The following ZFHX3 variants were observed in gnomAD, a reference collection of about 807,000 sequenced individuals.
ZFHX3 encodes zinc finger homeobox 3, also known as zinc finger homeobox protein 3.
ZFHX3 carries 42 observed loss-of-function variants against 279.1 expected under a neutral mutation model. That is an observed-to-expected ratio of 0.15 (90% confidence interval 0.12 to 0.19). The LOEUF is 0.19. Among genes scored for constraint, ZFHX3 ranks in the 10% least tolerant of loss-of-function variants. ZFHX3 has a pLI of 1.00. For synonymous variants in ZFHX3, 2,293 were observed against 1,957.8 expected (o/e 1.17, Z -4.52); for missense variants, 4,981 against 4,754.0 (o/e 1.05, Z -1.40).
At chr16:73,148,212 C>T (rs992040161) in intron 5 of ZFHX3, among the ~76,000 whole-genome samples, 1 of 152,226 alleles carries the variant, frequency 6.6e-6, no homozygotes, top group Non-Finnish European at 1.5e-5. Context: ...TGAAGCCTAA[C>T]ATATTTACCA....
intron 3 of ZFHX3, among the ~76,000 whole-genome samples, chr16:73,328,032 C>G (rs1403958938): frequency 1.3e-5 from 2 of 152,140 alleles, no homozygotes; most frequent in Non-Finnish European, 2.9e-5. Flanking sequence ...AATACTGAAC[C>G]TATTTGACCA....
At chr16:72,790,138 T>C (rs1417609417) in intron 9 of ZFHX3, 1 of 152,284 alleles carries the variant, frequency 6.6e-6, no homozygotes, top group Admixed American at 6.5e-5. Flanking sequence ...TCCAAGGTAA[T>C]GCAAGAGGGT....
intron 1 of ZFHX3, among the ~76,000 whole-genome samples, chr16:73,859,709 G>C (rs1053383238): frequency 6.6e-6 from 1 of 152,088 alleles, no homozygotes; most frequent in African/African-American, 2.4e-5. Flanking sequence ...AAGGAGAAAC[G>C]TTCTCTTTTA....
chr16:72,943,850 C>T (rs1960533604), intron 3 of ZFHX3, among the ~76,000 whole-genome samples: 1 of 152,156 alleles, frequency 6.6e-6, no homozygotes, highest in Non-Finnish European at 1.5e-5. Flanking sequence ...TATCCAAACC[C>T]TGCACATAAC....
In ZFHX3 at chr16:73,154,784, G is replaced by T. The variant is rs9937786; in HGVS notation, c.-1103-10953C>A. ...TACTACTAAAGATGGGTGAAGAAAG[G>T]AGGAGATGTTTGTGGTGAAGGCCAT... On this transcript the variant is annotated intron_variant, in intron 5 of 17. Transcript: ENST00000641206. Among the ~76,000 whole-genome samples the T allele has an allele frequency of 4.0e-3, 616 of 152,174 alleles. 6 individuals carry two copies. The highest frequency in any genetic ancestry group is 0.014 in the African/African-American group (590 of 41,464).
At chr16:73,485,531 T>C (rs2018958940) in intron 2 of ZFHX3, among the ~76,000 whole-genome samples, 1 of 152,010 alleles carries the variant, frequency 6.6e-6, no homozygotes, top group African/African-American at 2.4e-5. Flanking sequence ...TGTGTTTAGG[T>C]TTTTGTTCTA....
chr16:73,143,926 T>G (rs888321930), intron 5 of ZFHX3: 2 of 434,350 alleles, frequency 4.6e-6, no homozygotes, highest in African/African-American at 4.2e-5. Context: ...CCCATTGCTT[T>G]TCACTTATTT....
chr16:73,422,196 GAT>G (rs777294250), intron 3 of ZFHX3, among the ~76,000 whole-genome samples: 6 of 72,790 alleles, frequency 8.2e-5, no homozygotes, highest in African/African-American at 2.2e-4. Context: ...GTTTTCAGAA[GAT>G]TTTTTTTTTT....
Position 73,147,573 on chromosome 16 carries a change from T to A in ZFHX3, c.-1103-3742A>T, listed in dbSNP as rs538603227. 1.2e-4 allele frequency among the ~76,000 whole-genome samples: 18 copies of A among 150,270 alleles called. No homozygotes were observed. In the South Asian group the frequency reaches 2.1e-3, roughly 18 times the overall value. The stretch of plus-strand genomic sequence containing the variant: ...CGGGCGTGGTAGCGGGCGCCTGTAG[T>A]CCCAGCTACTCGGGAGGCTGAGGCA... On this transcript the variant is annotated intron_variant, in intron 5 of 17. Coordinates refer to the ZFHX3 transcript ENST00000641206.
chr16:73,272,715 A>AATC (rs1356603660), intron 4 of ZFHX3, among the ~76,000 whole-genome samples: 3 of 152,222 alleles, frequency 2.0e-5, no homozygotes, highest in Non-Finnish European at 4.4e-5. Flanking sequence ...AAAAATATTC[A>AATC]ATCAATATCA....
At chr16:73,713,033 G>A (rs1447558753) in intron 1 of ZFHX3, among the ~76,000 whole-genome samples, 1 of 152,160 alleles carries the variant, frequency 6.6e-6, no homozygotes, top group Admixed American at 6.5e-5. Context: ...CTCCAGCTCT[G>A]GAACCTGGAG....
intron 5 of ZFHX3, among the ~76,000 whole-genome samples, chr16:73,229,966 A>C (rs1238376075): frequency 6.6e-6 from 1 of 152,214 alleles, no homozygotes; most frequent in East Asian, 1.9e-4. Context: ...GATTGAGTGG[A>C]TAGATACATG....
chr16:72,892,789 G>A (rs569191694), intron 3 of ZFHX3, among the ~76,000 whole-genome samples: 10 of 152,284 alleles, frequency 6.6e-5, no homozygotes, highest in Admixed American at 1.3e-4. Context: ...GATTATAGGC[G>A]TGAGCCACCG....
intron 3 of ZFHX3, among the ~76,000 whole-genome samples, chr16:73,351,621 A>G (rs933396884): frequency 6.6e-6 from 1 of 152,252 alleles, no homozygotes; most frequent in African/African-American, 2.4e-5. Context: ...CCTTGGTCTC[A>G]TGTGCCAATG....
chr16:72,939,492 ATC>A (rs1464464681), intron 3 of ZFHX3, among the ~76,000 whole-genome samples: 3 of 152,250 alleles, frequency 2.0e-5, no homozygotes, highest in Admixed American at 2.0e-4. Context: ...GCCAACAGGC[ATC>A]TGCAGGACCA....
Position 72,796,040 on chromosome 16 carries a change from A to G in ZFHX3, c.6642T>C (p.Pro2214=). ...TGAGCTCCTCCAGGCTGGTGATAGG[A>G]GGATTACTGAAGTTGTAAGGGGAGT... ...NKDSPYNFSN[P]PITSLEELKI... is the part of the protein sequence containing the mutation. The change falls in exon 9 of 10, where the codon CCT becomes CCC. Residue 2214 remains proline (P), a synonymous_variant. Coordinates refer to ENST00000268489, the MANE Select transcript of ZFHX3 (RefSeq NM_006885.4). 2 of 1,614,100 alleles carry G rather than the reference A, an allele frequency of 1.2e-6. No homozygotes were observed. The highest frequency in any genetic ancestry group is 1.7e-6 in the Non-Finnish European group (2 of 1,180,016).
intron 1 of ZFHX3, among the ~76,000 whole-genome samples, chr16:73,780,683 C>G (rs1156533328): frequency 6.6e-6 from 1 of 152,244 alleles, no homozygotes; most frequent in Non-Finnish European, 1.5e-5. Context: ...CTTAAGTGAC[C>G]TGCCCACCTG....
chr16:73,595,609 T>C (rs1168815196), intron 2 of ZFHX3, among the ~76,000 whole-genome samples: 1 of 152,226 alleles, frequency 6.6e-6, no homozygotes, highest in Non-Finnish European at 1.5e-5. Context: ...CATCTCATGG[T>C]ATCAATTACC....
chr16:73,662,226 T>C (rs2052792869), intron 2 of ZFHX3, among the ~76,000 whole-genome samples: 1 of 152,182 alleles, frequency 6.6e-6, no homozygotes, highest in Non-Finnish European at 1.5e-5. Flanking sequence ...TAAATAGCAT[T>C]ATAACCAATT....
Sources: gnomAD v4.1 joint callset for allele counts (sites outside exome capture counted in the v4.1 genomes callset) on GRCh38, gnomAD v4.1.1 for gene constraint, MANE v1.5 for transcripts, NCBI Gene and HGNC (gene_info 2026-07-23, HGNC 2026-07-21) for gene names.